The following PLEKHA7 variants were observed in gnomAD, a reference collection of about 807,000 sequenced individuals.
The protein encoded by PLEKHA7 is pleckstrin homology domain containing A7, also known as pleckstrin homology domain-containing family A member 7.
In PLEKHA7, 104 loss-of-function variants were observed where a neutral mutation model predicts 170.0. The ratio of observed to expected loss-of-function variants is 0.61; its 90% CI spans 0.52 to 0.72. The LOEUF (loss-of-function observed/expected upper bound fraction) is 0.72. Ranked by LOEUF, PLEKHA7 falls within the 30% of genes least tolerant of loss-of-function variation. PLEKHA7 has a pLI of 0.00. For synonymous variants in PLEKHA7, 648 were observed against 660.8 expected, an observed-to-expected ratio of 0.98 and a Z score of 0.30; for missense variants, 1,615 against 1,671.7, an observed-to-expected ratio of 0.97 and a Z score of 0.59.
At chr11:16,927,596 T>C (rs1255610022) in intron 3 of PLEKHA7, among the ~76,000 whole-genome samples, 2 of 152,210 alleles carry the variant, frequency 1.3e-5, no homozygotes, top group Admixed American at 1.3e-4. Flanking sequence ...AGGCATGCTA[T>C]GCAAGACTCC....
chr11:17,007,708 G>A (rs1055739255), intron 3 of PLEKHA7, among the ~76,000 whole-genome samples: 1 of 151,654 alleles, frequency 6.6e-6, no homozygotes, highest in African/African-American at 2.4e-5. Context: ...CTAATAGCTG[G>A]GACTATGGCC....
rs1848754204 is a variant in PLEKHA7 at position 16,777,432 on chromosome 11, G to C, written c.*1566C>G. 6.6e-6 allele frequency: 1 copy of C among 151,672 alleles called. No individual in the cohort carries two copies. The highest frequency in any genetic ancestry group is 1.5e-5 in the Non-Finnish European group (1 of 67,964). 9.4% of individuals were successfully genotyped at this position (151,672 alleles called of 1,614,324 possible). ...AAAGGCAAAAATAAAATTTTATTTT[G>C]GCAAATGTCATGAAGTCGATACTGG... On this transcript the variant is annotated 3_prime_UTR_variant, in exon 27 of 27. Transcript: ENST00000531066.
chr11:16,901,744 G>A (rs188104894), intron 3 of PLEKHA7, among the ~76,000 whole-genome samples: 14 of 152,306 alleles, frequency 9.2e-5, no homozygotes, highest in African/African-American at 2.4e-4. Flanking sequence ...GGTGGTGCAC[G>A]CCTATAGTCT....
chr11:16,989,112 C>T (rs774603888), intron 3 of PLEKHA7, among the ~76,000 whole-genome samples: 3 of 152,218 alleles, frequency 2.0e-5, no homozygotes, highest in Non-Finnish European at 4.4e-5. Flanking sequence ...ACCATCACCT[C>T]CTGTGTTCTG....
chr11:16,779,980 AG>A (rs11359003), intron 26 of PLEKHA7, among the ~76,000 whole-genome samples: 92,082 of 136,160 alleles, frequency 0.68, 29,518 homozygotes, highest in Admixed American at 0.72. Flanking sequence ...TAAAACGGGG[AG>A]GGGGGGGGGA....
At chr11:16,802,463 C>T (rs1035662290) in intron 15 of PLEKHA7, among the ~76,000 whole-genome samples, 3 of 152,136 alleles carry the variant, frequency 2.0e-5, no homozygotes, top group Non-Finnish European at 2.9e-5. Context: ...AGGGCCTCCA[C>T]GGAGAGGTAA....
rs78559810 is a variant in PLEKHA7 at position 16,831,433 on chromosome 11, A to T, written c.873-4843T>A. Among the ~76,000 whole-genome samples the T allele has an allele frequency of 2.3e-3, 356 of 152,340 alleles. 4 individuals are homozygous for T. Among genetic ancestry groups the T allele is most frequent in the East Asian group, 0.017 (87 of 5,180 alleles). ...GGAATGAAGCACCCCTCGGCCGTCA[A>T]TGACTGTATTACTCAGGCAGCTTGG... On this transcript the variant is annotated intron_variant, in intron 9 of 26. Transcript: ENST00000531066.
rs1590131191 is a variant in PLEKHA7, at chr11:16,791,636, C to G, written c.2746-437G>C. The G allele has an allele frequency of 1.1e-5, 5 of 461,252 alleles. No individual in the cohort carries two copies. Among genetic ancestry groups the G allele is most frequent in the African/African-American group, 4.0e-5 (2 of 50,394 alleles). 28.6% of individuals were successfully genotyped at this position (461,252 alleles called of 1,614,324 possible). On this transcript the variant is annotated intron_variant, in intron 19 of 26. Coordinates refer to ENST00000531066, the MANE Select transcript of PLEKHA7 (RefSeq NM_001329630.2). This position sits in a 1 kb window ranked among gnomAD's most constrained non-coding sequence, Gnocchi z 4.5. ...CAGCAGTGCTCAGCCTGAGCCGGCT[C>G]ATTGGCCCTACACGAGCTCTGGCGC... is the stretch of plus-strand genomic sequence containing the variant.
intron 3 of PLEKHA7, among the ~76,000 whole-genome samples, chr11:16,987,022 G>C (rs955346662): frequency 4.6e-5 from 7 of 152,178 alleles, no homozygotes; most frequent in Admixed American, 4.6e-4. Context: ...AAGGCGGAGA[G>C]GAAGCAGTGA....
At position 16,826,351 on chromosome 11, in the gene PLEKHA7, T is replaced by G. The variant is rs770282802; in HGVS notation, c.1112A>C (p.Asp371Ala). ...AGTGGGTAAATCCATAAACAAGGCA[T>G]CCTCCTCGGCTGGCGAGTACGGAGA... The part of the protein sequence containing the change: ...ARSPYSPAEE[D>A]ALFMDLPTGP... Residue 371 changes from aspartate (D) to alanine (A), a missense_variant, in exon 10 of 27, where the codon GAT becomes GCT. Coordinates refer to ENST00000531066, the MANE Select transcript of PLEKHA7 (RefSeq NM_001329630.2). 1 of 1,614,230 alleles carries G rather than the reference T, an allele frequency of 6.2e-7. No individual in the cohort carries two copies. The highest frequency in any genetic ancestry group is 1.7e-5 in the Admixed American group (1 of 60,024).
chr11:16,890,074 AT>A (rs1237126914), intron 3 of PLEKHA7, among the ~76,000 whole-genome samples: 2 of 152,230 alleles, frequency 1.3e-5, no homozygotes, highest in Non-Finnish European at 2.9e-5. Context: ...TGAAGGAGAA[AT>A]AAAATGTTTC....
intron 3 of PLEKHA7, among the ~76,000 whole-genome samples, chr11:16,920,633 G>A (rs868387007): frequency 2.6e-5 from 4 of 152,134 alleles, no homozygotes; most frequent in Non-Finnish European, 5.9e-5. Context: ...CTCTGAGTCC[G>A]AAAAGTCAGG....
chr11:16,963,912 G>A (rs1862215309), intron 3 of PLEKHA7, among the ~76,000 whole-genome samples: 1 of 152,142 alleles, frequency 6.6e-6, no homozygotes. Context: ...ACGCCACTAT[G>A]TTCCTAAAAC....
intron 3 of PLEKHA7, among the ~76,000 whole-genome samples, chr11:16,927,793 C>T (rs868608291): frequency 1.4e-4 from 22 of 152,264 alleles, no homozygotes; most frequent in Admixed American, 2.6e-4. Context: ...GATTTATCCG[C>T]AAGGATGTTC....
chr11:16,899,400 G>A (rs1401730233), intron 3 of PLEKHA7, among the ~76,000 whole-genome samples: 2 of 152,194 alleles, frequency 1.3e-5, no homozygotes, highest in East Asian at 3.8e-4. Flanking sequence ...GGGAGGCTGA[G>A]GAAGGAGAAT....
chr11:16,847,245 A>G (rs545437529), intron 8 of PLEKHA7, among the ~76,000 whole-genome samples: 221 of 151,854 alleles, frequency 1.5e-3, no homozygotes, highest in African/African-American at 5.1e-3. Flanking sequence ...TACAGGCGCC[A>G]GCCACCACAC....
chr11:16,978,961 G>C (rs1863236913), intron 3 of PLEKHA7, among the ~76,000 whole-genome samples: 2 of 152,102 alleles, frequency 1.3e-5, no homozygotes, highest in Admixed American at 1.3e-4. Flanking sequence ...GGTCACAGGG[G>C]TCCTCTAAAA....
intron 26 of PLEKHA7, among the ~76,000 whole-genome samples, chr11:16,782,251 T>C (rs980625599): frequency 2.6e-5 from 4 of 152,158 alleles, no homozygotes; most frequent in African/African-American, 9.7e-5. Flanking sequence ...AGTCCTGTAC[T>C]TTCTGGCACA....
chr11:16,790,171 C>A (rs982998703), intron 21 of PLEKHA7: 4 of 423,312 alleles, frequency 9.4e-6, no homozygotes, highest in Non-Finnish European at 1.7e-5. Context: ...GAAAGGCTGG[C>A]GGGGCAGGAA....
Sources: allele counts gnomAD v4.1 joint callset (sites outside exome capture counted in the v4.1 genomes callset), GRCh38; gene constraint gnomAD v4.1.1; non-coding constraint Gnocchi (gnomAD v3.1); transcripts MANE v1.5; gene names NCBI Gene and HGNC (gene_info 2026-07-23, HGNC 2026-07-21).